The following GLIS3 variants were observed in gnomAD, a reference collection of about 807,000 sequenced individuals.
GLIS3 encodes the protein GLIS family zinc finger 3.
GLIS3 carries 53 observed loss-of-function variants against 78.6 expected under a neutral mutation model. That is an observed-to-expected ratio of 0.67 (90% CI 0.54 to 0.85). The LOEUF is 0.85. Among genes scored for constraint, GLIS3 ranks in the 40% least tolerant of loss-of-function variants. The pLI is 0.00. For synonymous variants in GLIS3, 684 were observed against 509.9 expected (o/e 1.34, Z -4.60); for missense variants, 1,703 against 1,231.1 (o/e 1.38, Z -5.74).
chr9:4,448,819 T>C, the GLIS3 span, among the ~76,000 whole-genome samples: 1 of 152,166 alleles, frequency 6.6e-6, no homozygotes, highest in Non-Finnish European at 1.5e-5. Flanking sequence ...GTTTGTTTGT[T>C]TGCTTAAAAA....
intron 2 of GLIS3, among the ~76,000 whole-genome samples, chr9:4,240,336 C>T (rs1823182572): frequency 6.6e-6 from 1 of 152,130 alleles, no homozygotes; most frequent in Admixed American, 6.6e-5. Flanking sequence ...GAATCTAACA[C>T]CAGTGCTGAT....
At chr9:4,081,584 T>C (rs1385345778) in intron 4 of GLIS3, among the ~76,000 whole-genome samples, 1 of 152,172 alleles carries the variant, frequency 6.6e-6, no homozygotes, top group Non-Finnish European at 1.5e-5. Flanking sequence ...TAAACACGTG[T>C]AAAGCCCTCC....
chr9:3,876,988 A>G (rs1821358597), intron 8 of GLIS3, among the ~76,000 whole-genome samples: 1 of 152,040 alleles, frequency 6.6e-6, no homozygotes, highest in Non-Finnish European at 1.5e-5. Context: ...TAATAATTAA[A>G]ATCTTTTTCT....
chr9:4,187,636 T>A (rs7873704), intron 2 of GLIS3, among the ~76,000 whole-genome samples: 3,381 of 152,334 alleles, frequency 0.022, 134 homozygotes, highest in African/African-American at 0.078. Context: ...GAGCATGGAA[T>A]GTTCTTCCAT....
chr9:3,961,063 T>C (rs1817515379), intron 4 of GLIS3, among the ~76,000 whole-genome samples: 1 of 152,182 alleles, frequency 6.6e-6, no homozygotes, highest in African/African-American at 2.4e-5. Context: ...CCACAGACTT[T>C]TCTTCTTTGG....
chr9:4,273,304 G>A (rs941850417), intron 2 of GLIS3, among the ~76,000 whole-genome samples: 1 of 152,110 alleles, frequency 6.6e-6, no homozygotes, highest in Non-Finnish European at 1.5e-5. Context: ...CACTTAAAAT[G>A]CACTTCTGCA....
the GLIS3 span, among the ~76,000 whole-genome samples, chr9:4,418,223 G>A: frequency 5.3e-5 from 8 of 152,116 alleles, no homozygotes; most frequent in Non-Finnish European, 8.8e-5. Context: ...GTTAAACTCT[G>A]CTAGAGATGG....
the GLIS3 span, among the ~76,000 whole-genome samples, chr9:4,450,635 C>T: frequency 2.0e-5 from 3 of 152,222 alleles, no homozygotes; most frequent in Non-Finnish European, 4.4e-5. Flanking sequence ...GCCCATCAGA[C>T]TAACAGCAGA....
chr9:3,883,658 G>C (rs372535549), intron 7 of GLIS3, among the ~76,000 whole-genome samples: 9 of 152,128 alleles, frequency 5.9e-5, no homozygotes, highest in Non-Finnish European at 1.2e-4. Context: ...CAAATCAGCC[G>C]ACACACACAG....
chr9:4,463,283 G>A, the GLIS3 span, among the ~76,000 whole-genome samples: 4 of 152,114 alleles, frequency 2.6e-5, no homozygotes, highest in East Asian at 5.8e-4. Context: ...CCTGACTTCT[G>A]GGTTTGTAAG....
At chr9:4,168,686 T>C (rs191925109) in intron 2 of GLIS3, among the ~76,000 whole-genome samples, 2 of 152,224 alleles carry the variant, frequency 1.3e-5, no homozygotes, top group Non-Finnish European at 2.9e-5. Flanking sequence ...TCTGGTTTTA[T>C]GAGTGTTGTA....
At chr9:4,199,590 T>G (rs1415150088) in intron 2 of GLIS3, among the ~76,000 whole-genome samples, 1 of 151,350 alleles carries the variant, frequency 6.6e-6, no homozygotes, top group Non-Finnish European at 1.5e-5. Flanking sequence ...TGGGGCTCAA[T>G]TCAACAAGAA....
intron 4 of GLIS3, among the ~76,000 whole-genome samples, chr9:4,049,977 G>A (rs573303861): frequency 6.6e-6 from 1 of 152,090 alleles, no homozygotes; most frequent in African/African-American, 2.4e-5. Flanking sequence ...TGGAGAAATA[G>A]GAACACTTTT....
the GLIS3 span, among the ~76,000 whole-genome samples, chr9:4,454,168 A>AAAG: frequency 6.7e-6 from 1 of 150,372 alleles, no homozygotes; most frequent in African/African-American, 2.4e-5. Flanking sequence ...AAAAAAAAAA[A>AAAG]AAGAAGAAAG....
At chr9:3,919,702 C>G (rs1406495244) in intron 6 of GLIS3, among the ~76,000 whole-genome samples, 1 of 150,696 alleles carries the variant, frequency 6.6e-6, no homozygotes, top group Non-Finnish European at 1.5e-5. Flanking sequence ...GAAATGGGAT[C>G]AGGATACCCC....
intron 4 of GLIS3, among the ~76,000 whole-genome samples, chr9:4,050,814 G>C (rs1273866326): frequency 1.3e-5 from 2 of 152,054 alleles, no homozygotes; most frequent in African/African-American, 4.8e-5. Flanking sequence ...GACTGGTTAG[G>C]CTCTCACCCC....
intron 2 of GLIS3, among the ~76,000 whole-genome samples, chr9:4,264,854 C>A (rs931498117): frequency 1.3e-5 from 2 of 152,032 alleles, no homozygotes; most frequent in Non-Finnish European, 2.9e-5. Flanking sequence ...AAGCTGTGGA[C>A]TCTCAAATAC....
chr9:4,260,304 C>T (rs1409695495), intron 2 of GLIS3, among the ~76,000 whole-genome samples: 1 of 152,016 alleles, frequency 6.6e-6, no homozygotes, highest in Non-Finnish European at 1.5e-5. Context: ...CAGTGGCTCA[C>T]ACCTGTAATC....
intron 2 of GLIS3, among the ~76,000 whole-genome samples, chr9:4,171,422 A>G (rs981629260): frequency 6.6e-6 from 1 of 152,220 alleles, no homozygotes; most frequent in Non-Finnish European, 1.5e-5. Context: ...TTGAAAAAAA[A>G]TGTTAAACTC....
Sources: allele counts gnomAD v4.1 joint callset (sites outside exome capture counted in the v4.1 genomes callset), GRCh38; gene constraint gnomAD v4.1.1; transcripts MANE v1.5; gene names NCBI Gene and HGNC (gene_info 2026-07-23, HGNC 2026-07-21).